SRPK1: variants seen among roughly 807,000 people sequenced by gnomAD.
SRPK1 encodes SFRS protein kinase 1.
SRPK1 carries 52 observed loss-of-function variants against 89.5 expected under a neutral mutation model. The observed-to-expected ratio is 0.58, with a 90% CI of 0.46 to 0.73. SRPK1 has a LOEUF of 0.73. SRPK1 is among the 30% of genes least tolerant of loss of function. The probability of loss-of-function intolerance (pLI) is 0.00; values close to 1 mark genes in which losing one functional copy is unlikely to be tolerated. For missense variants in SRPK1, 603 were observed against 780.6 expected (o/e 0.77, Z 2.71); for synonymous variants, 255 against 270.2 (o/e 0.94, Z 0.55).
At chr6:35,866,601 A>G (rs1026165596) in intron 12 of SRPK1, among the ~76,000 whole-genome samples, 1 of 152,088 alleles carries the variant, frequency 6.6e-6, no homozygotes, top group Non-Finnish European at 1.5e-5. Context: ...AAAGAAAAAG[A>G]AAGAAGGAAA....
Position 35,919,018 on chromosome 6 carries a change from C to T in SRPK1, c.74+1450G>A, listed in dbSNP as rs200486974. Among the ~76,000 whole-genome samples, 5 of 152,308 alleles carry T rather than the reference C, an allele frequency of 3.3e-5. No homozygotes were observed. The East Asian group carries it at 9.6e-4, about 29-fold the overall frequency. ...GTATCAATAGAAAAGAACGTTTTAA[C>T]ACATTCTCATCAATTCCACAAAGAA... On this transcript the variant is annotated intron_variant, in intron 2 of 15. Coordinates refer to ENST00000373825, the MANE Select transcript of SRPK1 (RefSeq NM_003137.5).
At chr6:35,841,055 GA>G (rs948151438) in intron 14 of SRPK1, among the ~76,000 whole-genome samples, 3 of 151,960 alleles carry the variant, frequency 2.0e-5, no homozygotes, top group Non-Finnish European at 4.4e-5. Flanking sequence ...AAGTAAAGGG[GA>G]AAAAAATTAA....
intron 2 of SRPK1, among the ~76,000 whole-genome samples, chr6:35,913,111 C>A (rs957268899): frequency 3.9e-5 from 6 of 152,200 alleles, no homozygotes; most frequent in African/African-American, 1.2e-4. Flanking sequence ...GCACCCGCAG[C>A]CTTATTCACT....
At chr6:35,893,381 G>A (rs1207887890) in intron 2 of SRPK1, among the ~76,000 whole-genome samples, 1 of 151,916 alleles carries the variant, frequency 6.6e-6, no homozygotes. Flanking sequence ...GCTACTCGGG[G>A]AACTGAGGTG....
intron 6 of SRPK1, among the ~76,000 whole-genome samples, chr6:35,886,286 G>A (rs879801895): frequency 7.9e-5 from 12 of 151,950 alleles, no homozygotes; most frequent in Admixed American, 3.3e-4. Context: ...CACCATGTTC[G>A]CCAGGTGGGT....
chr6:35,906,307 C>T lies in SRPK1; in HGVS notation c.74+14161G>A, dbSNP rs192768891. Among the ~76,000 whole-genome samples, 263 of 152,268 alleles carry T rather than the reference C, an allele frequency of 1.7e-3. 6 individuals carry two copies. The South Asian group carries it at 0.026, about 15-fold the overall frequency. ...TGGCATGATCTCGGCTTACTGCAACCTCCACCTCCCAGGTTCAAGTGATTC... is the reference window on the plus strand; with the variant it reads ...TGGCATGATCTCGGCTTACTGCAACTTCCACCTCCCAGGTTCAAGTGATTC... On this transcript the variant is annotated intron_variant, in intron 2 of 15. Transcript: ENST00000373825.
chr6:35,849,021 C>T (rs369783822), intron 13 of SRPK1, among the ~76,000 whole-genome samples: 2 of 151,986 alleles, frequency 1.3e-5, no homozygotes, highest in East Asian at 1.9e-4. Context: ...AACTTCTGTA[C>T]AGCAAAGGAA....
intron 5 of SRPK1, among the ~76,000 whole-genome samples, 196 bp from the exon 6 acceptor site, chr6:35,887,007 C>T (rs1313430063): frequency 6.6e-6 from 1 of 152,182 alleles, no homozygotes; most frequent in Non-Finnish European, 1.5e-5. Flanking sequence ...ATACAACCAA[C>T]AGGAACTATT....
At chr6:35,885,260 AACACACACAC>A (rs71540130) in intron 6 of SRPK1, among the ~76,000 whole-genome samples, 21 of 111,864 alleles carry the variant, frequency 1.9e-4, no homozygotes, top group South Asian at 6.9e-4. Flanking sequence ...TAATTCTTTG[AACACACACAC>A]ACACACACAC....
At chr6:35,871,045 GAA>G in intron 8 of SRPK1, 86 bp from the exon 9 acceptor site, 1 of 1,143,514 alleles carries the variant, frequency 8.7e-7, no homozygotes, top group Non-Finnish European at 1.3e-6. Flanking sequence ...CTACCAGAAT[GAA>G]AAGTCTTTCT....
At chr6:35,867,979 CT>C (rs574336190) in intron 12 of SRPK1, among the ~76,000 whole-genome samples, 1 of 150,964 alleles carries the variant, frequency 6.6e-6, no homozygotes, top group Non-Finnish European at 1.5e-5. Flanking sequence ...CTTTTCTTTT[CT>C]TTTTTTTTGA....
At chr6:35,861,709 C>T (rs746915885) in intron 12 of SRPK1, among the ~76,000 whole-genome samples, 17 of 152,292 alleles carry the variant, frequency 1.1e-4, no homozygotes, top group Admixed American at 3.3e-4. Context: ...TTCGGGCTGA[C>T]GTGGCTGCAG....
intron 7 of SRPK1, 22 bp downstream of exon 7, chr6:35,874,211 C>CTTGCTG: frequency 6.6e-7 from 1 of 1,520,242 alleles, no homozygotes. Context: ...GACTAAGATA[C>CTTGCTG]TTGCTGATTC....
intron 6 of SRPK1, 38 bp from the exon 7 acceptor site, chr6:35,874,377 G>C: frequency 7.2e-7 from 1 of 1,386,304 alleles, no homozygotes; most frequent in Non-Finnish European, 1.0e-6. Flanking sequence ...CGGCACAAAA[G>C]AAGAACACGG....
At chr6:35,845,616 A>ATAC (rs2151080092) in intron 13 of SRPK1, among the ~76,000 whole-genome samples, 1 of 152,380 alleles carries the variant, frequency 6.6e-6, no homozygotes, top group African/African-American at 2.4e-5. Flanking sequence ...GCAGAAAGGA[A>ATAC]TACTGACACA....
At position 35,857,336 on chromosome 6, in the gene SRPK1, C is replaced by T; in HGVS notation, c.1545G>A (p.Arg515=). 6.2e-7 allele frequency: 1 copy of T among 1,612,270 alleles called. No homozygotes were observed. The highest frequency in any genetic ancestry group is 8.5e-7 in the Non-Finnish European group (1 of 1,179,166). Residue 515 remains arginine (R), a synonymous_variant, in exon 13 of 16, where the codon AGG becomes AGA. Coordinates refer to ENST00000373825, the MANE Select transcript of SRPK1 (RefSeq NM_003137.5). ...HKHFTEDIQT[R]QYRSLEVLIG... is the part of the protein sequence containing the mutation. Reference sequence around the variant, plus strand: ...TTAGAACTTCCAAGGAACGATATTGCCTTGTTTGAATATCTTCAGTGAAAT... The same window carrying T: ...TTAGAACTTCCAAGGAACGATATTGTCTTGTTTGAATATCTTCAGTGAAAT...
At chr6:35,855,461 T>C (rs960760715) in intron 13 of SRPK1, among the ~76,000 whole-genome samples, 1 of 152,222 alleles carries the variant, frequency 6.6e-6, no homozygotes, top group Non-Finnish European at 1.5e-5. Context: ...CAGGTTGGAA[T>C]TGTTATCTGC....
chr6:35,916,251 AATT>A (rs1417511061), intron 2 of SRPK1, among the ~76,000 whole-genome samples: 1 of 147,516 alleles, frequency 6.8e-6, no homozygotes, highest in Non-Finnish European at 1.5e-5. Flanking sequence ...TAAATTAATT[AATT>A]AATTAATTAA....
At position 35,869,733 on chromosome 6, in the gene SRPK1, TCA is replaced by T; in HGVS notation, c.1158_1159del (p.Cys386Ter). 1 of 1,613,942 alleles carries T rather than the reference TCA, an allele frequency of 6.2e-7. No homozygotes were observed. The highest frequency in any genetic ancestry group is 8.5e-7 in the Non-Finnish European group (1 of 1,179,826). ...AGATTCCTGATTCAAATTTTGGACATCACAGTCATTAGCATTATGTAGATCCT... is the reference window on the plus strand; with the variant it reads ...AGATTCCTGATTCAAATTTTGGACATCAGTCATTAGCATTATGTAGATCCT... On this transcript the variant is annotated stop_gained and frameshift_variant, in exon 11 of 16. Coordinates refer to ENST00000373825, the MANE Select transcript of SRPK1 (RefSeq NM_003137.5). LOFTEE classifies it high-confidence loss of function.
Sources: gnomAD v4.1 joint callset for allele counts (sites outside exome capture counted in the v4.1 genomes callset) on GRCh38, gnomAD v4.1.1 for gene constraint, MANE v1.5 for transcripts, NCBI Gene and HGNC (gene_info 2026-07-23, HGNC 2026-07-21) for gene names.